NTN1: variants seen among roughly 807,000 people sequenced by gnomAD.
The protein encoded by NTN1 is netrin 1, also known as netrin-1.
A neutral mutation model predicts 54.2 loss-of-function variants in NTN1; 11 were observed. That is an observed-to-expected ratio of 0.20 (90% CI 0.13 to 0.34). NTN1 has a LOEUF of 0.34. Ranked by LOEUF, NTN1 falls within the 10% of genes least tolerant of loss-of-function variation. The pLI, the probability that NTN1 is intolerant of heterozygous loss-of-function variation, is 1.00. For missense variants in NTN1, 740 were observed against 893.1 expected (o/e 0.83, Z 2.18); for synonymous variants, 371 against 382.0 (o/e 0.97, Z 0.33).
intron 2 of NTN1, among the ~76,000 whole-genome samples, chr17:9,029,249 C>T (rs1420984433): frequency 6.6e-6 from 1 of 152,072 alleles, no homozygotes; most frequent in Non-Finnish European, 1.5e-5. Context: ...GTCCTAGGTG[C>T]TTTATATGTG....
chr17:9,088,074 T>A (rs2092095358), intron 2 of NTN1, among the ~76,000 whole-genome samples: 1 of 152,174 alleles, frequency 6.6e-6, no homozygotes, highest in Non-Finnish European at 1.5e-5. Context: ...AGACGCATAC[T>A]GCTGTGCTGG....
intron 2 of NTN1, among the ~76,000 whole-genome samples, chr17:9,035,245 C>T (rs8069226): frequency 0.52 from 79,572 of 152,164 alleles, 21,601 homozygotes; most frequent in East Asian, 0.74. Context: ...CGTGCCCAGA[C>T]GGGTTTTGAT....
At chr17:9,166,198 CCACCACCA>C (rs2092372920) in intron 3 of NTN1, among the ~76,000 whole-genome samples, 1 of 121,520 alleles carries the variant, frequency 8.2e-6, no homozygotes, top group Non-Finnish European at 1.8e-5. Context: ...ACCACCACCA[CCACCACCA>C]CCAGCACCTC....
chr17:9,067,144 G>C (rs933019013), intron 2 of NTN1, among the ~76,000 whole-genome samples: 1 of 151,890 alleles, frequency 6.6e-6, no homozygotes, highest in East Asian at 1.9e-4. Context: ...GTGCACACCT[G>C]TAGTCTCAGC....
chr17:9,104,682 C>T lies in NTN1; in HGVS notation c.1019-58131C>T, dbSNP rs139661032. Among the ~76,000 whole-genome samples the T allele has an allele frequency of 8.9e-3, 1,348 of 152,308 alleles. 25 individuals carry two copies. The highest frequency in any genetic ancestry group is 0.052 in the South Asian group (253 of 4,830). On this transcript the variant is annotated intron_variant, in intron 2 of 6. Transcript: ENST00000173229. ...ATGAAGCCGCTCTCTCTTGCTGGCACGTCAAAGCTGAATGTCCAACACCAT... is the reference window on the plus strand; with the variant it reads ...ATGAAGCCGCTCTCTCTTGCTGGCATGTCAAAGCTGAATGTCCAACACCAT...
At chr17:9,077,394 G>T (rs1300152337) in intron 2 of NTN1, among the ~76,000 whole-genome samples, 1 of 152,164 alleles carries the variant, frequency 6.6e-6, no homozygotes, top group Non-Finnish European at 1.5e-5. Context: ...TGGAGGTGGG[G>T]CAGTGGCTGA....
At chr17:9,075,137 G>A (rs547738465) in intron 2 of NTN1, among the ~76,000 whole-genome samples, 9 of 152,314 alleles carry the variant, frequency 5.9e-5, no homozygotes, top group African/African-American at 2.2e-4. Flanking sequence ...ACCACTTAGA[G>A]ATGGGATAGT....
chr17:9,095,028 G>A (rs1316807174), intron 2 of NTN1, among the ~76,000 whole-genome samples: 1 of 144,040 alleles, frequency 6.9e-6, no homozygotes, highest in African/African-American at 2.5e-5. Flanking sequence ...AGCATGTTAA[G>A]TTTTAAAAGT....
chr17:9,229,109 A>AGT (rs76868760), intron 6 of NTN1, among the ~76,000 whole-genome samples: 1 of 127,244 alleles, frequency 7.9e-6, no homozygotes. Context: ...TGTGACTGTG[A>AGT]GTGTGTGACT....
At chr17:9,216,761 G>C (rs1905224080) in intron 5 of NTN1, among the ~76,000 whole-genome samples, 1 of 152,220 alleles carries the variant, frequency 6.6e-6, no homozygotes, top group Non-Finnish European at 1.5e-5. Flanking sequence ...TACAAGGTGA[G>C]ACTGGGTGCG....
intron 2 of NTN1, among the ~76,000 whole-genome samples, chr17:9,043,848 G>A (rs1045903049): frequency 3.3e-4 from 50 of 151,934 alleles, no homozygotes; most frequent in Non-Finnish European, 4.4e-5. Flanking sequence ...TGAAAGTGCT[G>A]GGATTACAGG....
At chr17:9,224,811 G>GGGGGGGGGGGGGC (rs71361878) in intron 6 of NTN1, among the ~76,000 whole-genome samples, 57 of 151,340 alleles carry the variant, frequency 3.8e-4, no homozygotes, top group African/African-American at 4.4e-4. Context: ...GGGTGGGGGG[G>GGGGGGGGGGGGGC]CACAGTGGGA....
intron 2 of NTN1, among the ~76,000 whole-genome samples, chr17:9,115,811 C>T (rs568227047): frequency 2.0e-5 from 3 of 152,328 alleles, no homozygotes; most frequent in South Asian, 2.1e-4. Flanking sequence ...CTTGGCCGGC[C>T]GTGCGCGGTG....
At chr17:9,127,226 C>T (rs1381543872) in intron 2 of NTN1, among the ~76,000 whole-genome samples, 1 of 152,066 alleles carries the variant, frequency 6.6e-6, no homozygotes, top group Non-Finnish European at 1.5e-5. Flanking sequence ...CTGGGAACAG[C>T]CAGGAGGCCT....
chr17:9,211,891 A>G lies in NTN1; in HGVS notation c.1412-9277A>G, dbSNP rs1257749315. 2.0e-5 allele frequency among the ~76,000 whole-genome samples: 3 copies of G among 152,160 alleles called. No individual in the cohort carries two copies. Among genetic ancestry groups the G allele is most frequent in the East Asian group, 1.9e-4 (1 of 5,198 alleles). Reference sequence around the variant, plus strand: ...GCTGTCTTTTTCTTAGTGATTCAGAAGAGTTCTTTATATGTGAAAGACACC... The same window carrying G: ...GCTGTCTTTTTCTTAGTGATTCAGAGGAGTTCTTTATATGTGAAAGACACC... On this transcript the variant is annotated intron_variant, in intron 5 of 6. Transcript: ENST00000173229. The surrounding 1 kb of genome is among the most constrained non-coding windows in gnomAD (Gnocchi z 4.4).
intron 2 of NTN1, among the ~76,000 whole-genome samples, chr17:9,145,916 CAAAAAAAAAA>C (rs60504172): frequency 2.2e-5 from 2 of 89,000 alleles, no homozygotes; most frequent in African/African-American, 4.3e-5. Flanking sequence ...GACTCCATCT[CAAAAAAAAAA>C]AAAAAAAAAA....
the NTN1 span, among the ~76,000 whole-genome samples, chr17:9,006,333 T>C: frequency 6.6e-6 from 1 of 152,200 alleles, no homozygotes; most frequent in African/African-American, 2.4e-5. Flanking sequence ...TCAGCTTGGT[T>C]CATCCCTTTG....
intron 5 of NTN1, among the ~76,000 whole-genome samples, chr17:9,188,031 C>T (rs1432878174): frequency 6.6e-6 from 1 of 152,192 alleles, no homozygotes; most frequent in Admixed American, 6.5e-5. Context: ...TTAATAGGTA[C>T]AGGTTTTCCT....
chr17:9,071,587 C>T (rs1324834680), intron 2 of NTN1, among the ~76,000 whole-genome samples: 6 of 152,212 alleles, frequency 3.9e-5, no homozygotes, highest in Non-Finnish European at 7.3e-5. Context: ...AGCCAAAGGA[C>T]TTGGCTCAGA....
Sources: gnomAD v4.1 joint callset for allele counts (sites outside exome capture counted in the v4.1 genomes callset) on GRCh38, gnomAD v4.1.1 for gene constraint, Gnocchi (gnomAD v3.1) non-coding constraint, MANE v1.5 for transcripts, NCBI Gene and HGNC (gene_info 2026-07-23, HGNC 2026-07-21) for gene names.